Variants in WFS1 observed in about 807,000 individuals in gnomAD.
WFS1 encodes wolframin ER transmembrane glycoprotein, also known as wolframin.
In WFS1, 90 loss-of-function variants were observed where a neutral mutation model predicts 68.5. The observed-to-expected ratio is 1.31, with a 90% CI of 1.11 to 1.56. WFS1 has a LOEUF of 1.56. Among genes scored for constraint, WFS1 ranks in the 40% most tolerant of loss-of-function variants. WFS1 has a pLI of 0.00. For missense variants in WFS1, 1,767 were observed against 1,232.6 expected, an observed-to-expected ratio of 1.43 and a Z score of -6.49; for synonymous variants, 860 against 540.7, an observed-to-expected ratio of 1.59 and a Z score of -8.19.
Position 6,286,042 on chromosome 4 carries a change from A to G in WFS1, c.233-1051A>G, listed in dbSNP as rs1340246737. 3.9e-5 allele frequency among the ~76,000 whole-genome samples: 6 copies of G among 152,202 alleles called. No individual in the cohort carries two copies. The East Asian group carries it at 9.6e-4, about 24-fold the overall frequency. On this transcript the variant is annotated intron_variant, in intron 2 of 7. Coordinates refer to ENST00000226760, the MANE Select transcript of WFS1 (RefSeq NM_006005.3). ...AAGAAACGGTTCATGGCACCACCGT[A>G]GAAAACAAGAGGTTATTGGAAGCAA...
rs1445355190 is a variant in WFS1, at chr4:6,301,309, G to A, written c.1514G>A (p.Cys505Tyr). The change falls in exon 8 of 8, where the codon TGC becomes TAC. Residue 505 changes from cysteine (C) to tyrosine (Y), a missense_variant. Physicochemically the swap from Cys to Tyr is radical, Grantham distance 194. Coordinates refer to ENST00000226760, the MANE Select transcript of WFS1 (RefSeq NM_006005.3). ...HLVVLNVSVP[C>Y]LLYVYLLYLF... is the part of the protein sequence containing the mutation. ...GTCGTCCTCAACGTCAGCGTCCCGT[G>A]CCTGCTCTATGTCTACCTGCTCTAT... 5 of 1,611,424 alleles carry A rather than the reference G, an allele frequency of 3.1e-6. No homozygotes were observed. The highest frequency in any genetic ancestry group is 1.3e-5 in the African/African-American group (1 of 75,044).
At chr4:6,294,702 A>G in intron 6 of WFS1, 1 of 368,472 alleles carries the variant, frequency 2.7e-6, no homozygotes, top group Non-Finnish European at 5.3e-6. Flanking sequence ...CTGGAGGTGC[A>G]TGTTGTAAGG....
At chr4:6,271,378 C>T (rs1471270693) in intron 1 of WFS1, among the ~76,000 whole-genome samples, 2 of 152,210 alleles carry the variant, frequency 1.3e-5, no homozygotes, top group African/African-American at 4.8e-5. Context: ...CTGACTTAGG[C>T]CTCCCCTGCC....
chr4:6,300,777 A>T lies in WFS1; in HGVS notation c.982A>T (p.Ile328Phe). 6.2e-7 allele frequency: 1 copy of T among 1,613,928 alleles called. No homozygotes were observed. Among genetic ancestry groups the T allele is most frequent in the Non-Finnish European group, 8.5e-7 (1 of 1,179,940 alleles). Residue 328 changes from isoleucine (I) to phenylalanine (F), a missense_variant, in exon 8 of 8, where the codon ATC (isoleucine) becomes TTC (phenylalanine). By Grantham distance (21) the Ile-to-Phe change is conservative. Transcript: ENST00000226760. ...CCCCACGCACCACATCAACGCGCTC[A>T]TCTTCTTCTTCATCGTCAGCAACCT... ...IIPTHHINAL[I>F]FFFIVSNLTI...
chr4:6,276,302 G>A lies in WFS1; in HGVS notation c.-5-1149G>A, dbSNP rs148784001. Among the ~76,000 whole-genome samples the A allele has an allele frequency of 1.1e-4, 17 of 152,310 alleles. No individual in the cohort carries two copies. In the East Asian group the frequency reaches 2.5e-3, roughly 22 times the overall value. Reference sequence around the variant, plus strand: ...CGCTTTCAGCTCTGTGTCTGTGGCCGGTGGTTGTCCTTCATTACAGGGATG... The same window carrying A: ...CGCTTTCAGCTCTGTGTCTGTGGCCAGTGGTTGTCCTTCATTACAGGGATG... On this transcript the variant is annotated intron_variant, in intron 1 of 7. Transcript: ENST00000226760.
At chr4:6,295,001 G>GC (rs769909598) in intron 6 of WFS1, 40 bp from the exon 7 acceptor site, 2 of 1,612,736 alleles carry the variant, frequency 1.2e-6, no homozygotes, top group South Asian at 2.2e-5. Flanking sequence ...CAGTGGGGCT[G>GC]CAGTGTGGGG....
Position 6,277,551 on chromosome 4 carries a change from G to C in WFS1, c.96G>C (p.Ser32=), listed in dbSNP as rs71539660. ...QARSRLNATA[S]LEQERSERPR... ...GTTCCCGACTCAATGCCACAGCCTC[G>C]TTGGAGCAGGAGAGGAGCGAAAGGC... Residue 32 remains serine (S), a synonymous_variant, in exon 2 of 8, where the codon TCG becomes TCC. Transcript: ENST00000226760. 1.3e-6 allele frequency: 2 copies of C among 1,590,242 alleles called. No individual in the cohort carries two copies. Among genetic ancestry groups the C allele is most frequent in the Non-Finnish European group, 1.7e-6 (2 of 1,169,082 alleles).
intron 7 of WFS1, among the ~76,000 whole-genome samples, chr4:6,295,401 C>T (rs765665407): frequency 1.6e-4 from 24 of 152,076 alleles, no homozygotes; most frequent in Non-Finnish European, 1.0e-4. Flanking sequence ...CCGTCAGGCT[C>T]AGAAACCAGG....
chr4:6,302,540 C>T lies in WFS1; in HGVS notation c.*72C>T. On this transcript the variant is annotated 3_prime_UTR_variant, in exon 8 of 8. Coordinates refer to ENST00000226760, the MANE Select transcript of WFS1 (RefSeq NM_006005.3). ...TTTCCCCAGTGTGGCCCCAGCCCGACAGGCATGCACCAGTGCCGCCTGTGC... is the reference window on the plus strand; with the variant it reads ...TTTCCCCAGTGTGGCCCCAGCCCGATAGGCATGCACCAGTGCCGCCTGTGC... 6.3e-7 allele frequency: 1 copy of T among 1,596,602 alleles called. No individual in the cohort carries two copies.
rs1019230091 is a variant in WFS1, at chr4:6,271,488, G to A, written c.-6+1474G>A. 5.9e-5 allele frequency among the ~76,000 whole-genome samples: 9 copies of A among 152,270 alleles called. No homozygotes were observed. In the East Asian group the frequency reaches 1.2e-3, roughly 20 times the overall value. On this transcript the variant is annotated intron_variant, in intron 1 of 7. Coordinates refer to ENST00000226760, the MANE Select transcript of WFS1 (RefSeq NM_006005.3). ...GATGTCTGCACTGCCAGACAGACCC[G>A]AAACACCCATCCTTGACGGTGGCAA...
chr4:6,298,865 C>A (rs1189608686), intron 7 of WFS1, among the ~76,000 whole-genome samples: 1 of 152,228 alleles, frequency 6.6e-6, no homozygotes, highest in Non-Finnish European at 1.5e-5. Flanking sequence ...GTGGAGAGAA[C>A]CTGCCCCAGG....
chr4:6,283,354 G>A lies in WFS1; in HGVS notation c.233-3739G>A, dbSNP rs751505082. On this transcript the variant is annotated intron_variant, in intron 2 of 7. Transcript: ENST00000226760. The surrounding 1 kb of genome is among the most constrained non-coding windows in gnomAD (Gnocchi z 5.0). ...AGTTAGATTCAGGACCCTTTTAGTTGTAAGTGACAAAATCTCAATATAAAT... is the reference window on the plus strand; with the variant it reads ...AGTTAGATTCAGGACCCTTTTAGTTATAAGTGACAAAATCTCAATATAAAT... Among the ~76,000 whole-genome samples, 3 of 152,308 alleles carry A rather than the reference G, an allele frequency of 2.0e-5. No individual in the cohort carries two copies. Among genetic ancestry groups the A allele is most frequent in the Non-Finnish European group, 2.9e-5 (2 of 68,026 alleles).
chr4:6,274,039 T>C (rs1265378281), intron 1 of WFS1, among the ~76,000 whole-genome samples: 1 of 138,810 alleles, frequency 7.2e-6, no homozygotes, highest in African/African-American at 2.6e-5. Flanking sequence ...GGGTTTTTCT[T>C]TTCCTTTTTC....
chr4:6,300,723 G>C lies in WFS1; in HGVS notation c.928G>C (p.Ala310Pro), dbSNP rs762204336. 1.9e-6 allele frequency: 3 copies of C among 1,614,068 alleles called. No individual in the cohort carries two copies. Among genetic ancestry groups the C allele is most frequent in the Non-Finnish European group, 2.5e-6 (3 of 1,179,986 alleles). The change falls in exon 8 of 8, where the codon GCA (alanine) becomes CCA (proline). Residue 310 changes from alanine to proline, a missense_variant. Ala to Pro is a conservative substitution (Grantham distance 27). Transcript: ENST00000226760. Reference sequence around the variant, plus strand: ...GTACCTGATTGACATGGCCTCCAGGGCAGGCATGCACTGGCTGTCCACCAT... The same window carrying C: ...GTACCTGATTGACATGGCCTCCAGGCCAGGCATGCACTGGCTGTCCACCAT... ...KEYLIDMASR[A>P]GMHWLSTIIP... is the part of the protein sequence containing the mutation.
chr4:6,273,604 TG>T (rs1483566817), intron 1 of WFS1, among the ~76,000 whole-genome samples: 3 of 152,184 alleles, frequency 2.0e-5, no homozygotes, highest in Non-Finnish European at 4.4e-5. Flanking sequence ...AACGTATTCC[TG>T]GCAAGGCAGC....
chr4:6,279,338 A>G (rs1199590316), intron 2 of WFS1, among the ~76,000 whole-genome samples: 1 of 152,208 alleles, frequency 6.6e-6, no homozygotes, highest in African/African-American at 2.4e-5. Flanking sequence ...GCATTAGCCC[A>G]CTTGCCTCTT....
chr4:6,292,706 G>A (rs527463984), intron 6 of WFS1, among the ~76,000 whole-genome samples: 2 of 152,166 alleles, frequency 1.3e-5, no homozygotes, highest in Non-Finnish European at 2.9e-5. Context: ...AGTATCAATG[G>A]GGGGATGGGC....
intron 4 of WFS1, among the ~76,000 whole-genome samples, chr4:6,289,722 G>T (rs1730410685): frequency 1.3e-5 from 2 of 152,232 alleles, no homozygotes; most frequent in African/African-American, 4.8e-5. Context: ...CTGGTGCCGT[G>T]GGGCAGTGTG....
Position 6,302,405 on chromosome 4 carries a change from C to T in WFS1, c.2610C>T (p.Thr870=), listed in dbSNP as rs727503754. Residue 870 remains threonine (T), a synonymous_variant, in exon 8 of 8, where the codon ACC becomes ACT. Transcript: ENST00000226760. ...AGATCGAGCACGACTGGCGCAGCAC[C>T]GTGCATGGCGCCGTGAAGTTCGCCT... ...HVKIEHDWRS[T]VHGAVKFAFD... is the part of the protein sequence containing the mutation. 5.5e-5 allele frequency: 88 copies of T among 1,613,048 alleles called. No homozygotes were observed. Among genetic ancestry groups the T allele is most frequent in the Middle Eastern group, 3.3e-4 (2 of 6,084 alleles).
Sources: allele counts gnomAD v4.1 joint callset (sites outside exome capture counted in the v4.1 genomes callset), GRCh38; gene constraint gnomAD v4.1.1; non-coding constraint Gnocchi (gnomAD v3.1); transcripts MANE v1.5; gene names NCBI Gene and HGNC (gene_info 2026-07-23, HGNC 2026-07-21).